MYO10: variants seen among roughly 807,000 people sequenced by gnomAD.
MYO10 encodes unconventional myosin-X.
A neutral mutation model predicts 257.3 loss-of-function variants in MYO10; 133 were observed. That is an observed-to-expected ratio of 0.52 (90% CI 0.45 to 0.60). The LOEUF (loss-of-function observed/expected upper bound fraction) is 0.60. MYO10 is among the 20% of genes least tolerant of loss of function. MYO10 has a pLI of 0.00. For missense variants in MYO10, 2,399 were observed against 2,635.7 expected (o/e 0.91, Z 1.97); for synonymous variants, 1,104 against 1,028.6 (o/e 1.07, Z -1.40).
At chr5:16,748,689 A>G (rs1161052355) in intron 19 of MYO10, among the ~76,000 whole-genome samples, 1 of 152,146 alleles carries the variant, frequency 6.6e-6, no homozygotes. Context: ...AATCCCCGGG[A>G]GGAAATGTGC....
In MYO10 at chr5:16,762,621, G is replaced by A. The variant is rs199671251; in HGVS notation, c.1511C>T (p.Ala504Val). ...DLIEKKLGLLALINEESHFPQ... is the reference protein window; with the variant it reads ...DLIEKKLGLLVLINEESHFPQ... ...AAAATGGCTTTCTTCATTGATAAGGGCTAGGAGGCCAAGTTTCTAGAAGAA... is the reference window on the plus strand; with the variant it reads ...AAAATGGCTTTCTTCATTGATAAGGACTAGGAGGCCAAGTTTCTAGAAGAA... Residue 504 changes from alanine (A) to valine (V), a missense_variant, in exon 15 of 41, where the codon GCC becomes GTC. Ala to Val is a moderately conservative substitution (Grantham distance 64). Around this residue, in one of 3 missense-constraint regions of MYO10, gnomAD observed 337 missense variants for 446.8 expected, o/e 0.75. Transcript: ENST00000513610. The A allele has an allele frequency of 8.7e-5, 140 of 1,604,948 alleles. 1 individual carries two copies. Among genetic ancestry groups the A allele is most frequent in the Non-Finnish European group, 1.1e-5 (13 of 1,175,840 alleles).
chr5:16,690,134 A>T (rs896741474), intron 27 of MYO10, among the ~76,000 whole-genome samples: 3 of 152,216 alleles, frequency 2.0e-5, no homozygotes, highest in Non-Finnish European at 4.4e-5. Context: ...ATCCAATTTA[A>T]AAAATAATAA....
intron 1 of MYO10, among the ~76,000 whole-genome samples, chr5:16,917,060 T>TTAA (rs1745843775): frequency 6.6e-6 from 1 of 152,124 alleles, no homozygotes; most frequent in Admixed American, 6.5e-5. Context: ...TAAAAATGGC[T>TTAA]TAATATCCCA....
chr5:16,768,266 A>G (rs1456890825), intron 10 of MYO10, among the ~76,000 whole-genome samples: 1 of 152,170 alleles, frequency 6.6e-6, no homozygotes, highest in Non-Finnish European at 1.5e-5. Flanking sequence ...ATGGTAACTC[A>G]TTTTATCTTG....
At chr5:16,754,668 A>C (rs1157467681) in intron 19 of MYO10, among the ~76,000 whole-genome samples, 160 bp downstream of exon 19, 2 of 152,208 alleles carry the variant, frequency 1.3e-5, no homozygotes, top group African/African-American at 2.4e-5. Context: ...CCAAGGGACA[A>C]AGGGAACTTT....
intron 1 of MYO10, among the ~76,000 whole-genome samples, chr5:16,906,865 A>G (rs911925029): frequency 8.5e-5 from 13 of 152,160 alleles, no homozygotes; most frequent in African/African-American, 2.9e-4. Context: ...TAATCCGAGC[A>G]CTTTGGGAGG....
intron 28 of MYO10, among the ~76,000 whole-genome samples, chr5:16,689,184 T>G (rs535484199): frequency 1.7e-4 from 26 of 152,342 alleles, no homozygotes; most frequent in Non-Finnish European, 2.6e-4. Context: ...ATAATTAATG[T>G]CTACCTTGCA....
intron 1 of MYO10, among the ~76,000 whole-genome samples, chr5:16,912,099 T>C (rs6874937): frequency 0.012 from 1,884 of 152,202 alleles, 38 homozygotes; most frequent in African/African-American, 0.044. Flanking sequence ...CGTCTTATTG[T>C]TAGTGTTAGT....
intron 30 of MYO10, among the ~76,000 whole-genome samples, chr5:16,683,200 T>C (rs1737087654): frequency 6.6e-6 from 1 of 152,208 alleles, no homozygotes; most frequent in East Asian, 1.9e-4. Context: ...GTATTCACTT[T>C]CCAGCATCTT....
rs775764070 is a variant in MYO10 at position 16,685,790 on chromosome 5, T to C, written c.3938A>G (p.Asp1313Gly). 4.4e-6 allele frequency: 7 copies of C among 1,601,110 alleles called. No homozygotes were observed. The highest frequency in any genetic ancestry group is 6.0e-6 in the Non-Finnish European group (7 of 1,174,086). ...SVLSQVHAST[D>G]QEIQEMHDEQ... ...ATCATGCATCTCCTGGATCTCCTGG[T>C]CCGTGGACGCGTGGACCTGACTCAG... The change falls in exon 29 of 41, where the codon GAC becomes GGC. Residue 1313 changes from aspartate (D) to glycine (G), a missense_variant. By Grantham distance (94) the Asp-to-Gly change is moderately conservative. Coordinates refer to ENST00000513610, the MANE Select transcript of MYO10 (RefSeq NM_012334.3).
intron 1 of MYO10, among the ~76,000 whole-genome samples, chr5:16,893,209 A>AAAT (rs1298941209): frequency 1.3e-5 from 2 of 149,668 alleles, no homozygotes; most frequent in Non-Finnish European, 3.0e-5. Context: ...AAAAAAAAAA[A>AAAT]AAAAAAGAAC....
chr5:16,676,739 A>C (rs1432948915), intron 33 of MYO10, among the ~76,000 whole-genome samples: 1 of 152,198 alleles, frequency 6.6e-6, no homozygotes, highest in African/African-American at 2.4e-5. Flanking sequence ...GGCTGGGCAC[A>C]GTGGCTCATG....
chr5:16,752,503 G>A (rs774275002), intron 19 of MYO10, among the ~76,000 whole-genome samples: 4 of 152,050 alleles, frequency 2.6e-5, no homozygotes, highest in African/African-American at 9.7e-5. Context: ...GGCTGGTTTC[G>A]AATTTCTGAC....
chr5:16,702,102 T>TA (rs1738108352), intron 24 of MYO10, among the ~76,000 whole-genome samples: 1 of 152,118 alleles, frequency 6.6e-6, no homozygotes, highest in East Asian at 1.9e-4. Flanking sequence ...AACAGGAGAC[T>TA]AGGTCACACA....
intron 19 of MYO10, among the ~76,000 whole-genome samples, chr5:16,745,809 T>C (rs963733797): frequency 6.6e-6 from 1 of 152,208 alleles, no homozygotes; most frequent in Non-Finnish European, 1.5e-5. Flanking sequence ...GATCCCTTTA[T>C]GTAACATTTA....
At chr5:16,883,966 G>C (rs253469) in intron 1 of MYO10, among the ~76,000 whole-genome samples, 56,555 of 152,102 alleles carry the variant, frequency 0.37, 12,266 homozygotes, top group Admixed American at 0.49. Flanking sequence ...CCCCGGAACA[G>C]GGCACTGTGC....
chr5:16,852,235 T>TAA (rs59699107), intron 2 of MYO10, among the ~76,000 whole-genome samples: 1 of 132,912 alleles, frequency 7.5e-6, no homozygotes, highest in Non-Finnish European at 1.7e-5. Flanking sequence ...GAGTACAGGC[T>TAA]AAAAAAAAAA....
chr5:16,800,640 T>C (rs1240120349), intron 3 of MYO10, among the ~76,000 whole-genome samples: 1 of 152,162 alleles, frequency 6.6e-6, no homozygotes. Flanking sequence ...TCTTCTAATC[T>C]ACAATGAAAC....
rs186519127 is a variant in MYO10 at position 16,833,927 on chromosome 5, G to T, written c.121-15760C>A. Among the ~76,000 whole-genome samples the T allele has an allele frequency of 2.4e-3, 358 of 152,148 alleles. 5 individuals carry two copies. The highest frequency in any genetic ancestry group is 7.7e-3 in the African/African-American group (319 of 41,492). On this transcript the variant is annotated intron_variant, in intron 2 of 40. Transcript: ENST00000513610. Reference sequence around the variant, plus strand: ...TTACTGTTATCAGTGATGTAATCTGGCCATACCCTGATTGGAATTCTCTGA... The same window carrying T: ...TTACTGTTATCAGTGATGTAATCTGTCCATACCCTGATTGGAATTCTCTGA...
Sources: allele counts gnomAD v4.1 joint callset (sites outside exome capture counted in the v4.1 genomes callset), GRCh38; gene constraint gnomAD v4.1.1; regional missense constraint gnomAD v4.1.1; transcripts MANE v1.5; gene names NCBI Gene and HGNC (gene_info 2026-07-23, HGNC 2026-07-21).